The following TIMELESS variants were observed in gnomAD, a reference collection of about 807,000 sequenced individuals.
TIMELESS encodes timeless circadian regulator.
In TIMELESS, 124 loss-of-function variants were observed where a neutral mutation model predicts 164.3. The ratio of observed to expected loss-of-function variants is 0.75; its 90% confidence interval spans 0.65 to 0.88. TIMELESS has a LOEUF of 0.88. TIMELESS is among the 40% of genes least tolerant of loss of function. The pLI is 0.00. For missense variants in TIMELESS, 1,422 were observed against 1,491.4 expected (o/e 0.95, Z 0.77); for synonymous variants, 564 against 563.4 (o/e 1.00, Z -0.02).
At chr12:56,428,721 C>T in intron 11 of TIMELESS, 69 bp from the exon 12 acceptor site, 1 of 1,504,234 alleles carries the variant, frequency 6.6e-7, no homozygotes, top group Non-Finnish European at 9.2e-7. Context: ...ACAGCAACTT[C>T]CCACAGCGAA....
At chr12:56,444,425 G>A (rs1868321010) in intron 1 of TIMELESS, among the ~76,000 whole-genome samples, 1 of 152,008 alleles carries the variant, frequency 6.6e-6, no homozygotes, top group African/African-American at 2.4e-5. Flanking sequence ...TTAGTTCTTT[G>A]CTTCTAATCT....
In TIMELESS at chr12:56,421,072, C is replaced by G. The variant is rs775204139; in HGVS notation, c.2931G>C (p.Leu977=). 1 of 1,614,190 alleles carries G rather than the reference C, an allele frequency of 6.2e-7. No individual in the cohort carries two copies. Among genetic ancestry groups the G allele is most frequent in the South Asian group, 1.1e-5 (1 of 91,086 alleles). Residue 977 remains leucine (L), a synonymous_variant, in exon 24 of 29, where the codon CTG becomes CTC. Coordinates refer to ENST00000553532, the MANE Select transcript of TIMELESS (RefSeq NM_003920.5). ...CQEDLEEEEN[L]PEEDSEEEEE... Reference sequence around the variant, plus strand: ...CTTCCTCTTCGCTGTCTTCCTCAGGCAGGTTTTCCTCTTCTTCCAGATCTT... The same window carrying G: ...CTTCCTCTTCGCTGTCTTCCTCAGGGAGGTTTTCCTCTTCTTCCAGATCTT...
At position 56,421,335 on chromosome 12, in the gene TIMELESS, AG is replaced by A. The variant is rs1881476237; in HGVS notation, c.2868+15del. ...GAAGTGAGCCCATGCCAGCAGAGCT[AG>A]GGTCAGATTGTTACCAAGATGGAGG... is the stretch of plus-strand genomic sequence containing the variant. On this transcript the variant is annotated intron_variant, in intron 23 of 28. Coordinates refer to ENST00000553532, the MANE Select transcript of TIMELESS (RefSeq NM_003920.5). 1.2e-6 allele frequency: 2 copies of A among 1,611,782 alleles called. No individual in the cohort carries two copies. The highest frequency in any genetic ancestry group is 3.3e-5 in the Admixed American group (2 of 59,754).
rs751058150 is a variant in TIMELESS at position 56,428,255 on chromosome 12, C to T, written c.1559G>A (p.Arg520His). ...LKMLERFCRS[R>H]GNLVVQNKQK... is the part of the protein sequence containing the mutation. Reference sequence around the variant, plus strand: ...CAGTACCTGCACCACCAGGTTCCCACGGCTCCGACAGAATCGCTCCAACAT... The same window carrying T: ...CAGTACCTGCACCACCAGGTTCCCATGGCTCCGACAGAATCGCTCCAACAT... The change falls in exon 13 of 29, where the codon CGT (arginine) becomes CAT (histidine). Residue 520 changes from arginine to histidine, a missense_variant. Transcript: ENST00000553532. The T allele has an allele frequency of 2.4e-5, 39 of 1,604,452 alleles. No homozygotes were observed. The highest frequency in any genetic ancestry group is 1.7e-4 in the Middle Eastern group (1 of 6,000).
Position 56,428,363 on chromosome 12 carries a change from G to A in TIMELESS, c.1451C>T (p.Ala484Val). 1 of 1,613,200 alleles carries A rather than the reference G, an allele frequency of 6.2e-7. No individual in the cohort carries two copies. The highest frequency in any genetic ancestry group is 1.1e-5 in the South Asian group (1 of 91,030). Residue 484 changes from alanine (A) to valine (V), a missense_variant, in exon 13 of 29, where the codon GCA becomes GTA. By Grantham distance (64) the Ala-to-Val change is moderately conservative. Transcript: ENST00000553532. ...TCTCTCATCAAACTTTCGAAAAAGTGCCAGGAATAGTTCTCGGTACTCCAT... is the reference window on the plus strand; with the variant it reads ...TCTCTCATCAAACTTTCGAAAAAGTACCAGGAATAGTTCTCGGTACTCCAT... ...YVMEYRELFL[A>V]LFRKFDERCQ...
At chr12:56,428,509 A>G (rs1177458352) in intron 12 of TIMELESS, 40 bp downstream of exon 12, 1 of 1,610,658 alleles carries the variant, frequency 6.2e-7, no homozygotes, top group African/African-American at 1.3e-5. Context: ...TCATCACGAG[A>G]TGGGACAGGC....
At position 56,418,124 on chromosome 12, in the gene TIMELESS, G is replaced by A. The variant is rs117998609; in HGVS notation, c.3454+10C>T. 4,305 of 1,613,768 alleles carry A rather than the reference G, an allele frequency of 2.7e-3. 29 individuals carry two copies. Among genetic ancestry groups the A allele is most frequent in the East Asian group, 6.3e-3 (282 of 44,884 alleles). On this transcript the variant is annotated intron_variant, in intron 27 of 28. Coordinates refer to ENST00000553532, the MANE Select transcript of TIMELESS (RefSeq NM_003920.5). ...CGTTAATACTCAGAAGATGGCTGTC[G>A]CACTATTACCCTCTGGGGATGCCAG... is the stretch of plus-strand genomic sequence containing the variant.
intron 1 of TIMELESS, among the ~76,000 whole-genome samples, chr12:56,446,008 T>C (rs61104175): frequency 0.074 from 11,227 of 152,146 alleles, 1,353 homozygotes; most frequent in African/African-American, 0.25. Context: ...CAGGCTCAAG[T>C]GACTTTCCCA....
At chr12:56,423,046 C>T in intron 18 of TIMELESS, 54 bp from the exon 19 acceptor site, 9 of 1,574,526 alleles carry the variant, frequency 5.7e-6, no homozygotes, top group South Asian at 3.5e-5. Context: ...CAGACCCGAA[C>T]CTGGCCCTCT....
intron 1 of TIMELESS, among the ~76,000 whole-genome samples, chr12:56,449,057 C>A (rs1415093064): frequency 6.6e-6 from 1 of 152,256 alleles, no homozygotes; most frequent in Non-Finnish European, 1.5e-5. Context: ...CATCACAACC[C>A]CATCCCGCGG....
chr12:56,441,953 G>A (rs1427431975), intron 1 of TIMELESS, among the ~76,000 whole-genome samples: 3 of 151,808 alleles, frequency 2.0e-5, no homozygotes, highest in East Asian at 2.0e-4. Flanking sequence ...GTGTGGTGGC[G>A]GGTGCCTGTA....
At position 56,424,943 on chromosome 12, in the gene TIMELESS, G is replaced by A. The variant is rs368022279; in HGVS notation, c.1717-30C>T. Reference sequence around the variant, plus strand: ...AGATGGATAAAGCTATGGGAGCGGAGGGAGTGGAAAACCCAGATTGTATAC... The same window carrying A: ...AGATGGATAAAGCTATGGGAGCGGAAGGAGTGGAAAACCCAGATTGTATAC... On this transcript the variant is annotated intron_variant, in intron 14 of 28. Coordinates refer to ENST00000553532, the MANE Select transcript of TIMELESS (RefSeq NM_003920.5). 10 of 1,613,964 alleles carry A rather than the reference G, an allele frequency of 6.2e-6. No homozygotes were observed. In the African/African-American group the frequency reaches 9.3e-5, roughly 15 times the overall value.
At chr12:56,435,166 C>T (rs1390873472) in intron 1 of TIMELESS, among the ~76,000 whole-genome samples, 1 of 152,080 alleles carries the variant, frequency 6.6e-6, no homozygotes, top group South Asian at 2.1e-4. Flanking sequence ...GGATCTAATA[C>T]ATCTCAGGAG....
chr12:56,433,230 A>C, intron 5 of TIMELESS, 103 bp from the exon 6 acceptor site: 1 of 1,419,128 alleles, frequency 7.0e-7, no homozygotes, highest in Non-Finnish European at 9.9e-7. Context: ...ATTAAAAAGA[A>C]AGAGTTCAAA....
chr12:56,425,502 T>C (rs1462964404), intron 13 of TIMELESS, among the ~76,000 whole-genome samples: 1 of 152,220 alleles, frequency 6.6e-6, no homozygotes, highest in Non-Finnish European at 1.5e-5. Context: ...GCAGATGCTA[T>C]GAGGATCAAA....
rs556184912 is a variant in TIMELESS at position 56,445,534 on chromosome 12, T to C, written c.-62+3776A>G. ...CGGGTGGATCACCTGAGGTCGGGAG[T>C]TCAAGACTAGCCTGACCAACATGGA... On this transcript the variant is annotated intron_variant, in intron 1 of 28. Coordinates refer to ENST00000553532, the MANE Select transcript of TIMELESS (RefSeq NM_003920.5). 2.2e-4 allele frequency among the ~76,000 whole-genome samples: 31 copies of C among 140,642 alleles called. No homozygotes were observed. The East Asian group carries it at 6.0e-3, about 27-fold the overall frequency. 92.3% of individuals were successfully genotyped at this position (140,642 alleles called of 152,430 possible). A position where few individuals can be genotyped will look rare whatever the true frequency, so the allele number is the denominator to read the frequency against.
rs765593882 is a variant in TIMELESS, at chr12:56,430,922, T to G, written c.868A>C (p.Ile290Leu). ...TGAAAGATGAGGTCCCTCTCCCCAATGGATTTCAACCCCTGGACAATATAG... is the reference window on the plus strand; with the variant it reads ...TGAAAGATGAGGTCCCTCTCCCCAAGGGATTTCAACCCCTGGACAATATAG... ...GSYIVQGLKS[I>L]GERDLIFHKG... The change falls in exon 9 of 29, where the codon ATT (isoleucine) becomes CTT (leucine). Residue 290 changes from isoleucine (I) to leucine (L), a missense_variant. Physicochemically the swap from Ile to Leu is conservative, Grantham distance 5 (BLOSUM62 2). Transcript: ENST00000553532. 5.6e-6 allele frequency: 9 copies of G among 1,606,768 alleles called. No homozygotes were observed. Among genetic ancestry groups the G allele is most frequent in the Non-Finnish European group, 7.6e-6 (9 of 1,176,808 alleles).
At chr12:56,420,476 A>ATT in intron 26 of TIMELESS, 93 bp downstream of exon 26, 1 of 862,210 alleles carries the variant, frequency 1.2e-6, no homozygotes, top group Non-Finnish European at 1.8e-6. Flanking sequence ...CGATAAGGAT[A>ATT]AGGAGGACCA....
intron 26 of TIMELESS, 93 bp downstream of exon 26, chr12:56,420,476 A>G (rs1211372176): frequency 7.0e-6 from 6 of 862,210 alleles, no homozygotes; most frequent in Non-Finnish European, 1.1e-5. Context: ...CGATAAGGAT[A>G]AGGAGGACCA....
Sources: allele counts gnomAD v4.1 joint callset (sites outside exome capture counted in the v4.1 genomes callset), GRCh38; gene constraint gnomAD v4.1.1; transcripts MANE v1.5; gene names NCBI Gene and HGNC (gene_info 2026-07-23, HGNC 2026-07-21).